Variants in DIPK1A observed in about 807,000 individuals in gnomAD.
DIPK1A encodes divergent protein kinase domain 1A.
DIPK1A carries 27 observed loss-of-function variants against 40.8 expected under a neutral mutation model. The ratio of observed to expected loss-of-function variants is 0.66; its 90% CI spans 0.49 to 0.91. DIPK1A has a LOEUF of 0.91. Among genes scored for constraint, DIPK1A ranks in the 40% least tolerant of loss-of-function variants. The probability of loss-of-function intolerance (pLI) is 0.00; values close to 1 mark genes in which losing one functional copy is unlikely to be tolerated. For missense variants in DIPK1A, 412 were observed against 505.7 expected (o/e 0.81, Z 1.78); for synonymous variants, 166 against 171.3 (o/e 0.97, Z 0.24).
At chr1:92,873,219 T>C (rs930250870) in intron 2 of DIPK1A, among the ~76,000 whole-genome samples, 7 of 152,204 alleles carry the variant, frequency 4.6e-5, no homozygotes, top group African/African-American at 1.4e-4. Flanking sequence ...TTGGATGTAG[T>C]AGATTTTTAT....
At chr1:92,897,422 C>T (rs1051770646) in intron 1 of DIPK1A, among the ~76,000 whole-genome samples, 28 of 151,936 alleles carry the variant, frequency 1.8e-4, no homozygotes, top group Non-Finnish European at 2.9e-4. Context: ...AAACAAACAC[C>T]GCATGTTCAC....
chr1:92,865,320 GC>G (rs1177754790), intron 2 of DIPK1A, among the ~76,000 whole-genome samples: 18 of 151,980 alleles, frequency 1.2e-4, no homozygotes, highest in Non-Finnish European at 2.5e-4. Context: ...CTATGATCCT[GC>G]CACTACACTC....
intron 1 of DIPK1A, among the ~76,000 whole-genome samples, chr1:92,959,175 T>C (rs1465943475): frequency 5.3e-5 from 8 of 151,732 alleles, no homozygotes. Flanking sequence ...AGTCCCAGCT[T>C]CTCAGGAGGC....
At chr1:92,927,379 T>TGG (rs1557488429) in intron 1 of DIPK1A, among the ~76,000 whole-genome samples, 5 of 148,818 alleles carry the variant, frequency 3.4e-5, no homozygotes, top group Admixed American at 6.7e-5. Flanking sequence ...TTTTTTTTTT[T>TGG]TTTTTTTTGC....
At chr1:92,901,049 C>G (rs921177314) in intron 1 of DIPK1A, among the ~76,000 whole-genome samples, 16 of 152,036 alleles carry the variant, frequency 1.1e-4, no homozygotes, top group African/African-American at 3.9e-4. Flanking sequence ...TGTAGTGGTA[C>G]AGTCTCTGTG....
chr1:92,843,331 T>C lies in DIPK1A; in HGVS notation c.*52A>G, dbSNP rs1315989826. The C allele has an allele frequency of 1.4e-6, 2 of 1,461,534 alleles. No homozygotes were observed. The highest frequency in any genetic ancestry group is 1.4e-5 in the African/African-American group (1 of 69,948). 90.5% of individuals were successfully genotyped at this position (1,461,534 alleles called of 1,614,324 possible). A position where few individuals can be genotyped will look rare whatever the true frequency, so the allele number is the denominator to read the frequency against. On this transcript the variant is annotated 3_prime_UTR_variant, in exon 5 of 5. Transcript: ENST00000370310. ...AGCCATTTTTTTTTAATGCTCAAAA[T>C]TGTTCTTTAAAAGTGGCAGGTTTCT...
intron 1 of DIPK1A, among the ~76,000 whole-genome samples, chr1:92,944,235 G>A (rs1037153200): frequency 3.3e-5 from 5 of 152,136 alleles, no homozygotes; most frequent in Non-Finnish European, 7.4e-5. Flanking sequence ...CAATCCAATA[G>A]CTCCACCATT....
chr1:92,920,988 G>A (rs1650247736), intron 1 of DIPK1A, among the ~76,000 whole-genome samples: 1 of 152,090 alleles, frequency 6.6e-6, no homozygotes, highest in Non-Finnish European at 1.5e-5. Context: ...ATACAGGCTG[G>A]GGGAAATGGC....
chr1:92,844,918 T>G (rs1022825677), intron 4 of DIPK1A, among the ~76,000 whole-genome samples: 1 of 151,240 alleles, frequency 6.6e-6, no homozygotes, highest in African/African-American at 2.4e-5. Flanking sequence ...TTTATTTCTA[T>G]TTAATCTATA....
intron 1 of DIPK1A, among the ~76,000 whole-genome samples, chr1:92,922,884 T>A (rs573726975): frequency 2.0e-5 from 3 of 152,036 alleles, no homozygotes; most frequent in South Asian, 4.1e-4. Flanking sequence ...TGTAGAAAAG[T>A]CTGTCATCCA....
intron 1 of DIPK1A, chr1:92,931,780 G>A: frequency 6.1e-6 from 1 of 163,520 alleles, no homozygotes; most frequent in Non-Finnish European, 1.3e-5. Flanking sequence ...AGTTGTTTCA[G>A]GGAAGCCAAA....
intron 1 of DIPK1A, among the ~76,000 whole-genome samples, chr1:92,905,303 C>A (rs1348534707): frequency 6.6e-6 from 1 of 152,072 alleles, no homozygotes; most frequent in Non-Finnish European, 1.5e-5. Flanking sequence ...TATCTACATC[C>A]TTGCCAGCAT....
intron 1 of DIPK1A, among the ~76,000 whole-genome samples, chr1:92,903,346 T>G (rs895781722): frequency 1.2e-4 from 19 of 152,226 alleles, no homozygotes; most frequent in African/African-American, 4.3e-4. Context: ...ATCCCCAGGC[T>G]AATGTTACAC....
At chr1:92,914,538 G>C (rs1649967045) in intron 1 of DIPK1A, among the ~76,000 whole-genome samples, 2 of 152,076 alleles carry the variant, frequency 1.3e-5, no homozygotes, top group African/African-American at 4.8e-5. Flanking sequence ...GGGAGGCCGA[G>C]GTGGGTGATC....
At chr1:92,841,938 C>T, downstream of DIPK1A, 3 of 1,237,628 alleles carry the variant, frequency 2.4e-6, no homozygotes, top group Non-Finnish European at 3.5e-6. Flanking sequence ...CTGTGTTAAG[C>T]TCTTATTCTT....
At chr1:92,912,653 A>G (rs1205368897) in intron 1 of DIPK1A, among the ~76,000 whole-genome samples, 2 of 152,192 alleles carry the variant, frequency 1.3e-5, no homozygotes, top group Non-Finnish European at 2.9e-5. Flanking sequence ...AGAGTCCAAC[A>G]TTCTCACTCA....
At chr1:92,846,839 ATATGTGTG>A (rs1208169001) in intron 4 of DIPK1A, among the ~76,000 whole-genome samples, 106 of 4,372 alleles carry the variant, frequency 0.024, 14 homozygotes, top group South Asian at 0.19. Flanking sequence ...ATATATATAT[ATATGTGTG>A]TATATATATA....
chr1:92,897,678 A>G (rs991573626), intron 1 of DIPK1A, among the ~76,000 whole-genome samples: 1 of 151,072 alleles, frequency 6.6e-6, no homozygotes. Context: ...TTCCTTTTTC[A>G]TTTCTTCATT....
Position 92,847,245 on chromosome 1 carries a change from C to G in DIPK1A, c.412G>C (p.Asp138His). Residue 138 changes from aspartate to histidine, a missense_variant, in exon 4 of 5, where the codon GAT becomes CAT. By Grantham distance (81) the Asp-to-His change is moderately conservative (BLOSUM62 -1). Coordinates refer to ENST00000370310, the MANE Select transcript of DIPK1A (RefSeq NM_001006605.5). The part of the protein sequence containing the change: ...LEPRKEIVLF[D>H]KPTRGTTVQK... ...ACAGTAGTTCCTCTAGTTGGCTTAT[C>G]AAATAGCACTATTTCTTTTCTTGGT... 2 of 1,610,506 alleles carry G rather than the reference C, an allele frequency of 1.2e-6. No individual in the cohort carries two copies. Among genetic ancestry groups the G allele is most frequent in the Non-Finnish European group, 1.7e-6 (2 of 1,178,148 alleles).
Sources: gnomAD v4.1 joint callset for allele counts (sites outside exome capture counted in the v4.1 genomes callset) on GRCh38, gnomAD v4.1.1 for gene constraint, MANE v1.5 for transcripts, NCBI Gene and HGNC (gene_info 2026-07-23, HGNC 2026-07-21) for gene names.